IKBIP: variants seen among roughly 807,000 people sequenced by gnomAD.
The protein encoded by IKBIP is IKBKB interacting protein.
In IKBIP, 28 loss-of-function variants were observed where a neutral mutation model predicts 31.0. The observed-to-expected ratio is 0.90, with a 90% CI of 0.67 to 1.24. IKBIP has a LOEUF of 1.24. Among genes scored for constraint, IKBIP ranks in the 50% most tolerant of loss-of-function variants. The pLI is 0.00. For missense variants in IKBIP, 453 were observed against 441.9 expected, an observed-to-expected ratio of 1.03 and a Z score of -0.23; for synonymous variants, 164 against 160.3, an observed-to-expected ratio of 1.02 and a Z score of -0.17.
Position 98,644,482 on chromosome 12 carries a change from G to T in IKBIP, c.179+41C>A, listed in dbSNP as rs760061998. On this transcript the variant is annotated intron_variant, in intron 1 of 2. Coordinates refer to ENST00000299157, the MANE Select transcript of IKBIP (RefSeq NM_153687.4). ...CGGGTGGGAGCCCAAACAGCAGGGG[G>T]CCCACAGGAGGCCGGCCCAGGCAGC... is the stretch of plus-strand genomic sequence containing the variant. The T allele has an allele frequency of 3.3e-6, 5 of 1,528,240 alleles. No homozygotes were observed. The East Asian group carries it at 7.4e-5, about 23-fold the overall frequency. 94.7% of individuals were successfully genotyped at this position (1,528,240 alleles called of 1,614,324 possible). A position where few individuals can be genotyped will look rare whatever the true frequency, so the allele number is the denominator to read the frequency against.
At chr12:98,620,134 ATG>A (rs2097608981), downstream of IKBIP, among the ~76,000 whole-genome samples, 1 of 140,016 alleles carries the variant, frequency 7.1e-6, no homozygotes, top group Non-Finnish European at 1.5e-5. Flanking sequence ...GGGTTTCACC[ATG>A]TTGCGAACTC....
chr12:98,618,439 ATG>A (rs2097607562), intron 2 of IKBIP, among the ~76,000 whole-genome samples: 4 of 151,924 alleles, frequency 2.6e-5, no homozygotes, highest in South Asian at 2.1e-4. Context: ...ATCCTGGCTA[ATG>A]CAGTGAAACC....
chr12:98,621,511 T>C (rs1254455625), downstream of IKBIP, among the ~76,000 whole-genome samples: 1 of 152,202 alleles, frequency 6.6e-6, no homozygotes, highest in Non-Finnish European at 1.5e-5. Context: ...CAATTATTGC[T>C]TTTTGAGTTA....
chr12:98,626,189 T>A lies in IKBIP; in HGVS notation c.875A>T (p.Glu292Val), dbSNP rs1232920201. 1 of 1,613,970 alleles carries A rather than the reference T, an allele frequency of 6.2e-7. No individual in the cohort carries two copies. Among genetic ancestry groups the A allele is most frequent in the Non-Finnish European group, 8.5e-7 (1 of 1,179,860 alleles). ...CAAGTCTTCCATTTTCTTTTCTGTTTCTATCAGATCCTGAGAGACTCTGAG... is the reference window on the plus strand; with the variant it reads ...CAAGTCTTCCATTTTCTTTTCTGTTACTATCAGATCCTGAGAGACTCTGAG... ...SVLRVSQDLI[E>V]TEKKMEDLTM... Residue 292 changes from glutamate to valine, a missense_variant, in exon 3 of 3, where the codon GAA (glutamate) becomes GTA (valine). By Grantham distance (121) the Glu-to-Val change is moderately radical (BLOSUM62 -2). Transcript: ENST00000299157.
chr12:98,644,512 C>T lies in IKBIP; in HGVS notation c.179+11G>A. 3.2e-6 allele frequency: 5 copies of T among 1,581,448 alleles called. No individual in the cohort carries two copies. The highest frequency in any genetic ancestry group is 2.3e-5 in the South Asian group (2 of 87,674). Reference sequence around the variant, plus strand: ...CAGGAGGCCGGCCCAGGCAGCCTCGCGTCCACTTACCAGGCCAGGCCCAGG... The same window carrying T: ...CAGGAGGCCGGCCCAGGCAGCCTCGTGTCCACTTACCAGGCCAGGCCCAGG... On this transcript the variant is annotated intron_variant, in intron 1 of 2. Coordinates refer to ENST00000299157, the MANE Select transcript of IKBIP (RefSeq NM_153687.4).
Position 98,624,607 on chromosome 12 carries a change from A to T in IKBIP, c.*1323T>A, listed in dbSNP as rs1212268557. 1.1e-6 allele frequency: 1 copy of T among 904,688 alleles called. No homozygotes were observed. Among genetic ancestry groups the T allele is most frequent in the Non-Finnish European group, 1.3e-6 (1 of 756,550 alleles). 56.0% of individuals were successfully genotyped at this position (904,688 alleles called of 1,614,324 possible). On this transcript the variant is annotated 3_prime_UTR_variant, in exon 3 of 3. Transcript: ENST00000299157. The stretch of plus-strand genomic sequence containing the variant: ...AACTGGTAAGGTTATTGACAAAGAA[A>T]CAAGAACAAACTTCCATATTGCAGT...
chr12:98,637,136 G>A (rs2097626409), intron 1 of IKBIP, among the ~76,000 whole-genome samples: 1 of 152,022 alleles, frequency 6.6e-6, no homozygotes, highest in South Asian at 2.1e-4. Flanking sequence ...CACAACCTGT[G>A]TCATGTTAGT....
At chr12:98,637,530 T>G (rs898879409) in intron 1 of IKBIP, among the ~76,000 whole-genome samples, 8 of 151,124 alleles carry the variant, frequency 5.3e-5, no homozygotes, top group African/African-American at 2.0e-4. Flanking sequence ...TGCCTCAGCC[T>G]CCCGAGTAGC....
chr12:98,641,148 G>C (rs1488605307), intron 1 of IKBIP, among the ~76,000 whole-genome samples: 1 of 152,122 alleles, frequency 6.6e-6, no homozygotes, highest in Non-Finnish European at 1.5e-5. Context: ...TTTCCACATA[G>C]GAAATGGTCT....
intron 1 of IKBIP, among the ~76,000 whole-genome samples, chr12:98,636,095 A>G (rs1457829548): frequency 6.6e-6 from 1 of 152,250 alleles, no homozygotes; most frequent in Non-Finnish European, 1.5e-5. Context: ...TAGGCTCAGA[A>G]AAAAACACTT....
At chr12:98,640,836 A>C (rs2097629741) in intron 1 of IKBIP, among the ~76,000 whole-genome samples, 2 of 151,790 alleles carry the variant, frequency 1.3e-5, no homozygotes, top group African/African-American at 4.8e-5. Context: ...ATCAAAGCTC[A>C]CTGAAACCTC....
intron 2 of IKBIP, among the ~76,000 whole-genome samples, chr12:98,618,369 G>T (rs2097607510): frequency 6.6e-6 from 1 of 151,888 alleles, no homozygotes. Flanking sequence ...GCTCACGCCT[G>T]TAATCCCAGC....
In IKBIP at chr12:98,626,767, C is replaced by G; in HGVS notation, c.298-1G>C. 6.3e-7 allele frequency: 1 copy of G among 1,587,568 alleles called. No individual in the cohort carries two copies. Among genetic ancestry groups the G allele is most frequent in the South Asian group, 1.2e-5 (1 of 86,920 alleles). On this transcript the variant is annotated splice_acceptor_variant, in intron 2 of 2. Transcript: ENST00000299157. LOFTEE classifies it high-confidence loss of function. ...GCAGGATGCTTTCAGTAGACTCAAG[C>G]TGCATTTATAACACAAAACAATTCC... is the stretch of plus-strand genomic sequence containing the variant.
At chr12:98,631,778 CT>C (rs2097620358) in intron 2 of IKBIP, among the ~76,000 whole-genome samples, 2 of 147,262 alleles carry the variant, frequency 1.4e-5, no homozygotes, top group East Asian at 2.0e-4. Flanking sequence ...TGTACCACCC[CT>C]GACCTCCCCC....
At chr12:98,632,114 A>G (rs1468161765) in intron 2 of IKBIP, among the ~76,000 whole-genome samples, 1 of 151,878 alleles carries the variant, frequency 6.6e-6, no homozygotes, top group Non-Finnish European at 1.5e-5. Context: ...TCGGCCTCCC[A>G]GTGTGCTGGG....
intron 1 of IKBIP, among the ~76,000 whole-genome samples, chr12:98,634,762 T>G (rs1044428903): frequency 8.3e-4 from 123 of 148,898 alleles, no homozygotes; most frequent in African/African-American, 3.0e-3. Flanking sequence ...CAGGCTGGAG[T>G]GCAGTGGCGC....
rs1423621493 is a variant in IKBIP at position 98,626,876 on chromosome 12, A to G, written c.298-110T>C. 5 of 765,340 alleles carry G rather than the reference A, an allele frequency of 6.5e-6. No homozygotes were observed. In the East Asian group the frequency reaches 1.3e-4, roughly 19 times the overall value. 47.4% of individuals were successfully genotyped at this position (765,340 alleles called of 1,614,324 possible). A position where few individuals can be genotyped will look rare whatever the true frequency, so the allele number is the denominator to read the frequency against. ...CACATGCCACGTTAAAATTCTGAAG[A>G]TGTCTAAAATATCCAAGTATATCAG... On this transcript the variant is annotated intron_variant, in intron 2 of 2. Coordinates refer to ENST00000299157, the MANE Select transcript of IKBIP (RefSeq NM_153687.4).
chr12:98,627,196 T>C (rs1200036755), intron 2 of IKBIP, among the ~76,000 whole-genome samples: 1 of 151,746 alleles, frequency 6.6e-6, no homozygotes, highest in Non-Finnish European at 1.5e-5. Flanking sequence ...CTTGAACTGT[T>C]GACCTTTAGT....
chr12:98,623,926 A>G (rs2097612000), downstream of IKBIP, among the ~76,000 whole-genome samples: 2 of 151,252 alleles, frequency 1.3e-5, no homozygotes, highest in South Asian at 4.1e-4. Flanking sequence ...TAATTTCTTA[A>G]TAGGAAAACC....
Sources: allele counts gnomAD v4.1 joint callset (sites outside exome capture counted in the v4.1 genomes callset), GRCh38; gene constraint gnomAD v4.1.1; transcripts MANE v1.5; gene names NCBI Gene and HGNC (gene_info 2026-07-23, HGNC 2026-07-21).